The following PCDHA4 variants were observed in gnomAD, a reference collection of about 807,000 sequenced individuals.
The protein encoded by PCDHA4 is protocadherin alpha-4.
Under a neutral mutation model 61.4 loss-of-function variants are expected in PCDHA4, and 49 were observed. The ratio of observed to expected loss-of-function variants is 0.80; its 90% CI spans 0.63 to 1.01. The LOEUF is 1.01. Ranked by LOEUF, PCDHA4 falls within the 50% of genes least tolerant of loss-of-function variation. The pLI is 0.00. For synonymous variants in PCDHA4, 590 were observed against 550.3 expected (o/e 1.07, Z -1.01); for missense variants, 1,254 against 1,235.8 (o/e 1.01, Z -0.22).
intron 1 of PCDHA4, among the ~76,000 whole-genome samples, chr5:140,941,214 C>CCTTTCTTTCTTCCTTTCTTTCTTT (rs2092876516): frequency 2.3e-4 from 28 of 122,490 alleles, no homozygotes; most frequent in Middle Eastern, 4.2e-3. Context: ...TTTCTTTCTT[C>CCTTTCTTTCTTCCTTTCTTTCTTT]CTTTCTTTCT....
chr5:140,951,503 A>G (rs1554219922), intron 1 of PCDHA4, among the ~76,000 whole-genome samples: 1 of 151,992 alleles, frequency 6.6e-6, no homozygotes, highest in African/African-American at 2.4e-5. Flanking sequence ...AGGCAAAAGG[A>G]AAGCGGCTCA....
chr5:140,969,672 A>C (rs1251717537), intron 1 of PCDHA4, among the ~76,000 whole-genome samples: 2 of 152,198 alleles, frequency 1.3e-5, no homozygotes, highest in African/African-American at 4.8e-5. Context: ...TAATGTTATG[A>C]GACTCAAGGA....
chr5:141,007,647 A>T (rs1554261419), intron 3 of PCDHA4, among the ~76,000 whole-genome samples: 1 of 152,174 alleles, frequency 6.6e-6, no homozygotes, highest in Admixed American at 6.5e-5. Context: ...GTATTTGCCT[A>T]AAAAACCATA....
At chr5:140,967,750 C>T (rs782284231) in intron 1 of PCDHA4, 3 of 1,614,072 alleles carry the variant, frequency 1.9e-6, no homozygotes, top group Non-Finnish European at 8.5e-7. Flanking sequence ...ATGAGGAAGC[C>T]TCCTCCTACC....
intron 1 of PCDHA4, chr5:140,858,792 T>C (rs1554152021): frequency 2.6e-6 from 1 of 385,722 alleles, no homozygotes; most frequent in Admixed American, 4.5e-5. Context: ...GTTATTTCAT[T>C]TCCAATCTAA....
chr5:140,903,818 T>A (rs1554191152), intron 1 of PCDHA4, among the ~76,000 whole-genome samples: 1 of 152,202 alleles, frequency 6.6e-6, no homozygotes. Context: ...AGTTCTCACA[T>A]GAATGTCTGT....
chr5:140,985,504 A>G (rs1368014181), intron 3 of PCDHA4, among the ~76,000 whole-genome samples: 2 of 152,170 alleles, frequency 1.3e-5, no homozygotes, highest in Non-Finnish European at 2.9e-5. Context: ...CCTGCCTTTC[A>G]TTGATTCTGT....
intron 1 of PCDHA4, chr5:140,966,824 A>G (rs1463208532): frequency 1.3e-6 from 2 of 1,559,876 alleles, no homozygotes; most frequent in Admixed American, 1.9e-5. Flanking sequence ...CCGGCGGCCC[A>G]TGCCCTGGCT....
intron 1 of PCDHA4, chr5:140,825,571 T>A (rs1196041650): frequency 6.6e-6 from 1 of 151,826 alleles, no homozygotes; most frequent in Non-Finnish European, 1.5e-5. Flanking sequence ...ATTACAGGCA[T>A]GTGCCCACAC....
At chr5:140,876,223 T>C (rs2056212607) in intron 1 of PCDHA4, 2 of 1,613,782 alleles carry the variant, frequency 1.2e-6, no homozygotes, top group Non-Finnish European at 1.7e-6. Flanking sequence ...TAAAGTAGTG[T>C]TGTCTGAAAA....
At chr5:140,968,770 A>G in intron 1 of PCDHA4, 2 of 1,614,216 alleles carry the variant, frequency 1.2e-6, no homozygotes, top group Non-Finnish European at 1.7e-6. Context: ...ATGGAGAGCC[A>G]TCACTATCAG....
At chr5:140,822,542 G>C (rs2150117132) in intron 1 of PCDHA4, 132 of 1,613,806 alleles carry the variant, frequency 8.2e-5, no homozygotes, top group Middle Eastern at 6.6e-4. Context: ...AATGCACCAA[G>C]TGGGACATTA....
At chr5:140,884,864 T>C (rs1048751495) in intron 1 of PCDHA4, among the ~76,000 whole-genome samples, 1 of 152,234 alleles carries the variant, frequency 6.6e-6, no homozygotes, top group African/African-American at 2.4e-5. Flanking sequence ...TCACAAACCA[T>C]AATGAAATGT....
rs2150425951 is a variant in PCDHA4 at position 140,848,946 on chromosome 5, C to A, written c.2385+39374C>A. The A allele has an allele frequency of 3.1e-6, 5 of 1,607,242 alleles. No individual in the cohort carries two copies. In the South Asian group the frequency reaches 5.5e-5, roughly 18 times the overall value. ...CGCGGAATCCAGGCCGCTTGACTCT[C>A]GGTTTCCACTAGAGGGCGCGTCCGA... On this transcript the variant is annotated intron_variant, in intron 1 of 3. Transcript: ENST00000530339.
chr5:140,950,070 A>G (rs2094446713), intron 1 of PCDHA4, among the ~76,000 whole-genome samples: 1 of 151,890 alleles, frequency 6.6e-6, no homozygotes, highest in Non-Finnish European at 1.5e-5. Flanking sequence ...TTCCTGTGCC[A>G]TTGCTTATGC....
chr5:140,825,432 T>C (rs1768574114), intron 1 of PCDHA4: 1 of 147,582 alleles, frequency 6.8e-6, no homozygotes, highest in Admixed American at 6.8e-5. Flanking sequence ...ATAATAAATA[T>C]ATAATAATAA....
At chr5:140,836,285 A>G (rs1774338126) in intron 1 of PCDHA4, 1 of 1,613,756 alleles carries the variant, frequency 6.2e-7, no homozygotes, top group Non-Finnish European at 8.5e-7. Context: ...TCAGCACGAC[A>G]CGAGCCCTAG....
intron 1 of PCDHA4, chr5:140,870,945 G>A (rs782397621): frequency 1.2e-6 from 2 of 1,613,724 alleles, no homozygotes; most frequent in Non-Finnish European, 1.7e-6. Context: ...AGCCGGCGGC[G>A]GGCGGCTCGC....
intron 1 of PCDHA4, among the ~76,000 whole-genome samples, chr5:140,884,876 C>A (rs1554181909): frequency 6.6e-6 from 1 of 152,096 alleles, no homozygotes; most frequent in African/African-American, 2.4e-5. Context: ...ATGAAATGTG[C>A]AAAACAAGAA....
Sources: allele counts gnomAD v4.1 joint callset (sites outside exome capture counted in the v4.1 genomes callset), GRCh38; gene constraint gnomAD v4.1.1; transcripts MANE v1.5; gene names NCBI Gene and HGNC (gene_info 2026-07-23, HGNC 2026-07-21).